AKAP1: variants seen among roughly 807,000 people sequenced by gnomAD.
AKAP1 encodes the protein A-kinase anchor protein 1, mitochondrial.
A neutral mutation model predicts 79.8 loss-of-function variants in AKAP1; 32 were observed. The ratio of observed to expected loss-of-function variants is 0.40; its 90% confidence interval spans 0.30 to 0.54. AKAP1 has a LOEUF of 0.54. Ranked by LOEUF, AKAP1 falls within the 20% of genes least tolerant of loss-of-function variation. AKAP1 has a pLI of 0.47. For missense variants in AKAP1, 961 were observed against 1,138.9 expected, an observed-to-expected ratio of 0.84 and a Z score of 2.25; for synonymous variants, 416 against 466.7, an observed-to-expected ratio of 0.89 and a Z score of 1.40.
chr17:57,105,006 C>T (rs1031870575), intron 1 of AKAP1, among the ~76,000 whole-genome samples: 11 of 152,136 alleles, frequency 7.2e-5, no homozygotes, highest in Non-Finnish European at 1.3e-4. Flanking sequence ...GTGAGGGAAC[C>T]ATGCACATGT....
rs762781876 is a variant in AKAP1 at position 57,116,217 on chromosome 17, C to T, written c.2388C>T (p.Tyr796=). The change falls in exon 7 of 11, where the codon TAC becomes TAT. Residue 796 remains tyrosine (Y), a synonymous_variant. Transcript: ENST00000337714. ...TNEVEIRYVD[Y]GGYKRVKVDV... ...AAGTGGAGATTCGATACGTGGACTA[C>T]GGCGGATATAAGAGGGTGAAAGTAG... is the stretch of plus-strand genomic sequence containing the variant. 88 of 1,614,050 alleles carry T rather than the reference C, an allele frequency of 5.5e-5. No individual in the cohort carries two copies. The South Asian group carries it at 8.3e-4, about 15-fold the overall frequency.
intron 4 of AKAP1, 40 bp from the exon 5 acceptor site, chr17:57,112,451 C>G: frequency 1.2e-6 from 2 of 1,600,866 alleles, no homozygotes; most frequent in Non-Finnish European, 1.7e-6. Flanking sequence ...TGAGTTTCCT[C>G]TTACAGTGAT....
intron 1 of AKAP1, among the ~76,000 whole-genome samples, chr17:57,104,925 T>TTCA (rs959274500): frequency 3.9e-5 from 6 of 152,260 alleles, no homozygotes; most frequent in Non-Finnish European, 5.9e-5. Flanking sequence ...TTATTCCTCC[T>TTCA]TCATTCTCAC....
Position 57,106,446 on chromosome 17 carries a change from G to A in AKAP1, c.982G>A (p.Glu328Lys). ...AAATGAGGAGGGCTTGGATAGAAAT[G>A]AGGAGAGCTTGGATAGAAATGAGGA... is the stretch of plus-strand genomic sequence containing the variant. ...DRNEEGLDRNEESLDRNEEGL... is the reference protein window; with the variant it reads ...DRNEEGLDRNKESLDRNEEGL... The change falls in exon 2 of 11, where the codon GAG becomes AAG. Residue 328 changes from glutamate to lysine, a missense_variant. By Grantham distance (56) the Glu-to-Lys change is moderately conservative. Transcript: ENST00000337714. The A allele has an allele frequency of 2.7e-6, 4 of 1,478,588 alleles. No individual in the cohort carries two copies. Among genetic ancestry groups the A allele is most frequent in the Non-Finnish European group, 3.8e-6 (4 of 1,063,938 alleles). 91.6% of individuals were successfully genotyped at this position (1,478,588 alleles called of 1,614,324 possible). A position where few individuals can be genotyped will look rare whatever the true frequency, so the allele number is the denominator to read the frequency against.
At chr17:57,100,384 G>T (rs932024601) in intron 1 of AKAP1, among the ~76,000 whole-genome samples, 3 of 151,496 alleles carry the variant, frequency 2.0e-5, no homozygotes, top group African/African-American at 7.3e-5. Flanking sequence ...TCAGGAGTTC[G>T]AGCCCAGCCT....
rs753998382 is a variant in AKAP1, at chr17:57,116,235, G to C, written c.2406G>C (p.Val802=). The change falls in exon 7 of 11, where the codon GTG becomes GTC. Residue 802 remains valine (V), a synonymous_variant. Transcript: ENST00000337714. The part of the protein sequence containing the change: ...RYVDYGGYKR[V]KVDVLRQIRS... ...TGGACTACGGCGGATATAAGAGGGT[G>C]AAAGTAGACGTGCTCCGGCAAATCA... The C allele has an allele frequency of 1.9e-6, 3 of 1,614,196 alleles. No homozygotes were observed. The highest frequency in any genetic ancestry group is 2.5e-6 in the Non-Finnish European group (3 of 1,180,042).
intron 10 of AKAP1, 80 bp from the exon 11 acceptor site, chr17:57,120,170 G>T: frequency 7.5e-7 from 1 of 1,336,284 alleles, no homozygotes; most frequent in Non-Finnish European, 1.1e-6. Context: ...TGGCAACCGG[G>T]GAGGGGAGAA....
chr17:57,114,338 G>A, intron 5 of AKAP1, 121 bp from the exon 6 acceptor site: 1 of 1,226,126 alleles, frequency 8.2e-7, no homozygotes, highest in Admixed American at 2.1e-5. Flanking sequence ...GTGCCATGTT[G>A]TCTTGAGTTG....
rs1913459814 is a variant in AKAP1, at chr17:57,086,422, G to C, written c.-25+1024G>C. 1.1e-5 allele frequency: 5 copies of C among 456,438 alleles called. No individual in the cohort carries two copies. Among genetic ancestry groups the C allele is most frequent in the Admixed American group, 9.4e-5 (4 of 42,548 alleles). The allele number at this position is 456,438 out of a possible 1,614,324, so 28.3% of individuals were successfully genotyped here. A position where few individuals can be genotyped will look rare whatever the true frequency, so the allele number is the denominator to read the frequency against. On this transcript the variant is annotated intron_variant, in intron 1 of 10. Transcript: ENST00000337714. This position sits in a 1 kb window ranked among gnomAD's most constrained non-coding sequence, Gnocchi z 5.1. ...TGATCGTGGTAGGCGGTGCTGTGGC[G>C]ACTCGGAACGGCATGGGAGCCCTGG... is the stretch of plus-strand genomic sequence containing the variant.
Position 57,114,546 on chromosome 17 carries a change from C to T in AKAP1, c.2191C>T (p.Pro731Ser), listed in dbSNP as rs1407027316. 1 of 1,614,076 alleles carries T rather than the reference C, an allele frequency of 6.2e-7. No homozygotes were observed. Among genetic ancestry groups the T allele is most frequent in the African/African-American group, 1.3e-5 (1 of 74,928 alleles). ...CCTGTTCGTGCAGCAGCACACACAC[C>T]CTACCTTCCACGCGCTGCGCAGCCT... ...GHLFVQQHTH[P>S]TFHALRSLDQ... Residue 731 changes from proline (P) to serine (S), a missense_variant, in exon 6 of 11, where the codon CCT becomes TCT. Physicochemically the swap from Pro to Ser is moderately conservative, Grantham distance 74 (BLOSUM62 -1). Coordinates refer to ENST00000337714, the MANE Select transcript of AKAP1 (RefSeq NM_003488.4).
At chr17:57,109,304 CAG>C (rs989401229) in intron 2 of AKAP1, among the ~76,000 whole-genome samples, 16 of 152,192 alleles carry the variant, frequency 1.1e-4, no homozygotes, top group Non-Finnish European at 1.0e-4. Context: ...AGGTCGGGAG[CAG>C]AGTCTGTTCC....
rs900414462 is a variant in AKAP1, at chr17:57,086,655, A to C, written c.-25+1257A>C. Reference sequence around the variant, plus strand: ...TTACTTCGTGTTTAGATTTGTCTCCAGTGAAATCTAGGCTGCTGGACCTGG... The same window carrying C: ...TTACTTCGTGTTTAGATTTGTCTCCCGTGAAATCTAGGCTGCTGGACCTGG... On this transcript the variant is annotated intron_variant, in intron 1 of 10. Coordinates refer to ENST00000337714, the MANE Select transcript of AKAP1 (RefSeq NM_003488.4). This position sits in a 1 kb window ranked among gnomAD's most constrained non-coding sequence, Gnocchi z 5.1. 6.1e-6 allele frequency: 2 copies of C among 325,322 alleles called. No individual in the cohort carries two copies. Among genetic ancestry groups the C allele is most frequent in the African/African-American group, 4.5e-5 (2 of 44,480 alleles). 20.2% of individuals were successfully genotyped at this position (325,322 alleles called of 1,614,324 possible).
intron 1 of AKAP1, chr17:57,094,127 C>A: frequency 6.6e-6 from 1 of 152,316 alleles, no homozygotes. Context: ...CACCTCGCAG[C>A]CTCCACCATT....
intron 1 of AKAP1, among the ~76,000 whole-genome samples, chr17:57,098,065 T>G (rs1015645119): frequency 7.9e-5 from 12 of 152,222 alleles, no homozygotes; most frequent in Admixed American, 5.9e-4. Context: ...AGGCCATTAC[T>G]TTTCTGAGGG....
intron 1 of AKAP1, among the ~76,000 whole-genome samples, chr17:57,099,907 G>A (rs916741327): frequency 6.6e-6 from 1 of 152,196 alleles, no homozygotes; most frequent in Non-Finnish European, 1.5e-5. Context: ...TGAGTGTTGG[G>A]TCTCTACCTC....
At chr17:57,112,963 C>A (rs947003072) in intron 5 of AKAP1, among the ~76,000 whole-genome samples, 2 of 152,228 alleles carry the variant, frequency 1.3e-5, no homozygotes, top group African/African-American at 4.8e-5. Context: ...TCGCCGTTCA[C>A]CACCTGAGAC....
intron 3 of AKAP1, 82 bp downstream of exon 3, chr17:57,110,240 G>A (rs1915157313): frequency 1.9e-6 from 3 of 1,555,552 alleles, no homozygotes; most frequent in African/African-American, 1.4e-5. Flanking sequence ...CAGGGAGGGA[G>A]GGGGCTGGGA....
intron 7 of AKAP1, among the ~76,000 whole-genome samples, chr17:57,116,529 C>T (rs992792398): frequency 6.6e-6 from 1 of 152,188 alleles, no homozygotes; most frequent in Non-Finnish European, 1.5e-5. Context: ...CAAATCCCAG[C>T]GCTTTGGGAG....
intron 1 of AKAP1, among the ~76,000 whole-genome samples, chr17:57,100,446 C>CACACACAG (rs893082167): frequency 2.3e-5 from 3 of 128,860 alleles, no homozygotes; most frequent in African/African-American, 7.7e-5. Context: ...CACACACACA[C>CACACACAG]GCACACACAC....
Sources: gnomAD v4.1 joint callset for allele counts (sites outside exome capture counted in the v4.1 genomes callset) on GRCh38, gnomAD v4.1.1 for gene constraint, Gnocchi (gnomAD v3.1) non-coding constraint, MANE v1.5 for transcripts, NCBI Gene and HGNC (gene_info 2026-07-23, HGNC 2026-07-21) for gene names.